The following SAP130 variants were observed in gnomAD, a reference collection of about 807,000 sequenced individuals.
SAP130 encodes the protein histone deacetylase complex subunit SAP130.
SAP130 carries 16 observed loss-of-function variants against 103.2 expected under a neutral mutation model. The ratio of observed to expected loss-of-function variants is 0.16; its 90% CI spans 0.10 to 0.24. The LOEUF is 0.24. Ranked by LOEUF, SAP130 falls within the 10% of genes least tolerant of loss-of-function variation. SAP130 has a pLI of 1.00. For synonymous variants in SAP130, 477 were observed against 497.0 expected, an observed-to-expected ratio of 0.96 and a Z score of 0.53; for missense variants, 990 against 1,359.7, an observed-to-expected ratio of 0.73 and a Z score of 4.28.
intron 4 of SAP130, among the ~76,000 whole-genome samples, chr2:128,015,570 TA>T (rs1286819517): frequency 6.6e-6 from 1 of 152,168 alleles, no homozygotes; most frequent in Non-Finnish European, 1.5e-5. Context: ...GTAAAATATT[TA>T]ATTAATCAGG....
chr2:127,950,042 C>CTTT, intron 17 of SAP130, 48 bp from the exon 18 acceptor site: 1 of 1,610,450 alleles, frequency 6.2e-7, no homozygotes, highest in Non-Finnish European at 8.5e-7. Context: ...GTCAACAATC[C>CTTT]TCAAAGTTCA....
intron 11 of SAP130, among the ~76,000 whole-genome samples, chr2:127,995,373 CAGA>C (rs1293802123): frequency 6.6e-6 from 1 of 152,102 alleles, no homozygotes; most frequent in African/African-American, 2.4e-5. Context: ...GCGAAATCCA[CAGA>C]AGCAGACAGA....
intron 13 of SAP130, 39 bp from the exon 14 acceptor site, chr2:127,987,001 G>A (rs1682451071): frequency 6.4e-7 from 1 of 1,572,342 alleles, no homozygotes. Flanking sequence ...ATTGAAGAGA[G>A]GGAAACAAAA....
chr2:128,006,120 A>G (rs1440012471), intron 7 of SAP130, among the ~76,000 whole-genome samples: 2 of 152,046 alleles, frequency 1.3e-5, no homozygotes, highest in Non-Finnish European at 2.9e-5. Flanking sequence ...AGTAACATCC[A>G]GATCTAGAAG....
intron 15 of SAP130, among the ~76,000 whole-genome samples, chr2:127,977,251 A>T (rs1285126073): frequency 6.7e-6 from 1 of 149,660 alleles, no homozygotes; most frequent in Non-Finnish European, 1.5e-5. Flanking sequence ...GCACTTTGGG[A>T]GGCTGAGGCA....
intron 3 of SAP130, 135 bp downstream of exon 3, chr2:128,017,542 AAGG>A (rs1684860286): frequency 7.0e-6 from 5 of 715,424 alleles, no homozygotes; most frequent in Non-Finnish European, 1.1e-5. Context: ...GAGTTACAGA[AAGG>A]AGCTGAACTC....
At chr2:127,970,470 G>A (rs1001389455) in intron 15 of SAP130, among the ~76,000 whole-genome samples, 2 of 144,762 alleles carry the variant, frequency 1.4e-5, no homozygotes, top group East Asian at 2.1e-4. Flanking sequence ...GAACCAGGGT[G>A]TTGGAGGTTG....
intron 7 of SAP130, among the ~76,000 whole-genome samples, chr2:128,008,813 G>A (rs1264885388): frequency 2.0e-5 from 3 of 151,734 alleles, no homozygotes. Flanking sequence ...AGCTTCCCAT[G>A]TAGCTGGGAC....
rs1159850753 is a variant in SAP130, at chr2:127,986,026, C to T, written c.1958+759G>A. On this transcript the variant is annotated intron_variant, in intron 14 of 20. Coordinates refer to ENST00000643581, the MANE Select transcript of SAP130 (RefSeq NM_001330301.2). This position sits in a 1 kb window ranked among gnomAD's most constrained non-coding sequence, Gnocchi z 4.7. The stretch of plus-strand genomic sequence containing the variant: ...GGCCGCTCCATCTCCCTTCTGGCTT[C>T]CCCCATCTGCTGAGAGCTACTTCTA... Among the ~76,000 whole-genome samples the T allele has an allele frequency of 6.6e-6, 1 of 152,164 alleles. No homozygotes were observed. Among genetic ancestry groups the T allele is most frequent in the Admixed American group, 6.5e-5 (1 of 15,268 alleles).
At chr2:128,021,529 C>T (rs539343329) in intron 2 of SAP130, among the ~76,000 whole-genome samples, 5 of 151,756 alleles carry the variant, frequency 3.3e-5, no homozygotes, top group African/African-American at 9.7e-5. Context: ...GACTTTTCTC[C>T]CAGGTCATTC....
At position 127,949,952 on chromosome 2, in the gene SAP130, G is replaced by T; in HGVS notation, c.2714C>A (p.Pro905His). The change falls in exon 18 of 21, where the codon CCC (proline) becomes CAC (histidine). Residue 905 changes from proline (P) to histidine (H), a missense_variant. By Grantham distance (77) the Pro-to-His change is moderately conservative. Coordinates refer to ENST00000643581, the MANE Select transcript of SAP130 (RefSeq NM_001330301.2). ...CCGATAGTGACGAAGCAAAGTAATGGGGGGTCTTGGACGCACTGGGACATA... is the reference window on the plus strand; with the variant it reads ...CCGATAGTGACGAAGCAAAGTAATGTGGGGTCTTGGACGCACTGGGACATA... ...VRYVPVRPRP[P>H]ITLLRHYRNP... The T allele has an allele frequency of 6.2e-7, 1 of 1,614,092 alleles. No individual in the cohort carries two copies. The highest frequency in any genetic ancestry group is 1.3e-5 in the African/African-American group (1 of 75,012).
chr2:128,006,660 T>C (rs942271175), intron 7 of SAP130, among the ~76,000 whole-genome samples: 2 of 152,072 alleles, frequency 1.3e-5, no homozygotes, highest in African/African-American at 4.8e-5. Flanking sequence ...CACGTGCCCG[T>C]AGTCCCAGCT....
At chr2:127,965,611 A>G (rs564975950) in intron 15 of SAP130, among the ~76,000 whole-genome samples, 1 of 152,096 alleles carries the variant, frequency 6.6e-6, no homozygotes, top group African/African-American at 2.4e-5. Flanking sequence ...CCAATATGGG[A>G]AAACCCTGTC....
At chr2:128,010,159 A>AT in intron 7 of SAP130, 110 bp downstream of exon 7, 2 of 432,548 alleles carry the variant, frequency 4.6e-6, no homozygotes, top group Non-Finnish European at 6.8e-6. Context: ...AGCTCATTAT[A>AT]AAAAAAAAAA....
rs1051290163 is a variant in SAP130, at chr2:127,993,915, T to C, written c.1356-607A>G. Among the ~76,000 whole-genome samples, 3 of 152,190 alleles carry C rather than the reference T, an allele frequency of 2.0e-5. No individual in the cohort carries two copies. The East Asian group carries it at 5.8e-4, about 29-fold the overall frequency. ...GACTACAGACATGTGCCACCGTACC[T>C]GGCTCCTAGTTTAGTTTTTGAGCTT... On this transcript the variant is annotated intron_variant, in intron 11 of 20. Coordinates refer to ENST00000643581, the MANE Select transcript of SAP130 (RefSeq NM_001330301.2).
chr2:128,008,011 G>C (rs1250240866), intron 7 of SAP130, among the ~76,000 whole-genome samples: 1 of 152,128 alleles, frequency 6.6e-6, no homozygotes, highest in Non-Finnish European at 1.5e-5. Context: ...GGACAAGTAA[G>C]GAGGAAATCA....
intron 15 of SAP130, among the ~76,000 whole-genome samples, chr2:127,972,159 C>G (rs1482306117): frequency 6.6e-6 from 1 of 152,194 alleles, no homozygotes; most frequent in East Asian, 1.9e-4. Flanking sequence ...TGAAGCACAG[C>G]AAATCCAAGA....
chr2:127,957,244 A>C (rs1679905594), intron 15 of SAP130, among the ~76,000 whole-genome samples: 1 of 152,140 alleles, frequency 6.6e-6, no homozygotes, highest in Non-Finnish European at 1.5e-5. Context: ...TGAAGTTGCA[A>C]TGAGCTATAA....
chr2:128,016,653 G>T (rs754581488), intron 3 of SAP130, 106 bp from the exon 4 acceptor site: 172 of 1,231,660 alleles, frequency 1.4e-4, no homozygotes, highest in Non-Finnish European at 1.9e-4. Context: ...TGCCAGGAAA[G>T]ATGCCGTAAG....
Sources: gnomAD v4.1 joint callset for allele counts (sites outside exome capture counted in the v4.1 genomes callset) on GRCh38, gnomAD v4.1.1 for gene constraint, Gnocchi (gnomAD v3.1) non-coding constraint, MANE v1.5 for transcripts, NCBI Gene and HGNC (gene_info 2026-07-23, HGNC 2026-07-21) for gene names.